The following CNTNAP5 variants were observed in gnomAD, a reference collection of about 807,000 sequenced individuals.
CNTNAP5 encodes contactin-associated protein-like 5.
A neutral mutation model predicts 150.2 loss-of-function variants in CNTNAP5; 72 were observed. The observed-to-expected ratio is 0.48, with a 90% CI of 0.40 to 0.58. CNTNAP5 has a LOEUF of 0.58. Among genes scored for constraint, CNTNAP5 ranks in the 20% least tolerant of loss-of-function variants. The probability of loss-of-function intolerance (pLI) is 0.00; values close to 1 mark genes in which losing one functional copy is unlikely to be tolerated. For synonymous variants in CNTNAP5, 672 were observed against 619.8 expected (o/e 1.08, Z -1.25); for missense variants, 1,636 against 1,626.2 (o/e 1.01, Z -0.10).
At chr2:124,836,037 T>C (rs991796960) in intron 19 of CNTNAP5, among the ~76,000 whole-genome samples, 1 of 152,012 alleles carries the variant, frequency 6.6e-6, no homozygotes, top group Non-Finnish European at 1.5e-5. Context: ...TAGTAGACCA[T>C]GGTAAGAAAC....
At chr2:124,507,789 A>G (rs1017712463) in intron 8 of CNTNAP5, among the ~76,000 whole-genome samples, 14 of 152,228 alleles carry the variant, frequency 9.2e-5, no homozygotes, top group African/African-American at 2.7e-4. Context: ...CAGCCCTCTC[A>G]AAATATGTCA....
chr2:124,857,294 A>T (rs962143070), intron 19 of CNTNAP5, among the ~76,000 whole-genome samples: 4 of 152,132 alleles, frequency 2.6e-5, no homozygotes, highest in African/African-American at 9.7e-5. Flanking sequence ...TGGACTCGGC[A>T]TATAAGGCAA....
At chr2:124,752,113 A>G (rs184545230) in intron 14 of CNTNAP5, among the ~76,000 whole-genome samples, 156 of 152,270 alleles carry the variant, frequency 1.0e-3, no homozygotes, top group African/African-American at 3.5e-3. Context: ...CTCTCCTACA[A>G]TCTCTCAAAT....
At chr2:124,845,545 G>T (rs1485532277) in intron 19 of CNTNAP5, among the ~76,000 whole-genome samples, 3 of 151,530 alleles carry the variant, frequency 2.0e-5, no homozygotes, top group South Asian at 2.1e-4. Context: ...TTTTGGAATA[G>T]TGTCTATAGG....
intron 13 of CNTNAP5, among the ~76,000 whole-genome samples, chr2:124,689,637 A>C (rs529060164): frequency 6.6e-6 from 1 of 152,068 alleles, no homozygotes; most frequent in Admixed American, 6.6e-5. Flanking sequence ...GTATGTTCAG[A>C]TGTGTGAATG....
chr2:124,190,106 A>G (rs1685425140), intron 1 of CNTNAP5, among the ~76,000 whole-genome samples: 1 of 152,116 alleles, frequency 6.6e-6, no homozygotes, highest in Non-Finnish European at 1.5e-5. Context: ...AAAAATTACA[A>G]CCTTCATATG....
At chr2:124,574,065 A>G (rs1383950329) in intron 11 of CNTNAP5, among the ~76,000 whole-genome samples, 2 of 152,156 alleles carry the variant, frequency 1.3e-5, no homozygotes, top group East Asian at 3.9e-4. Flanking sequence ...GTTTTCTACT[A>G]TGGATTTCTA....
intron 7 of CNTNAP5, among the ~76,000 whole-genome samples, chr2:124,502,768 C>G (rs1694306804): frequency 6.6e-6 from 1 of 152,026 alleles, no homozygotes; most frequent in Admixed American, 6.5e-5. Flanking sequence ...ATACCAAGAG[C>G]AAGTTGGTGG....
At chr2:124,689,608 C>A (rs575676655) in intron 13 of CNTNAP5, among the ~76,000 whole-genome samples, 1 of 151,926 alleles carries the variant, frequency 6.6e-6, no homozygotes, top group Non-Finnish European at 1.5e-5. Flanking sequence ...TGCATGTGTG[C>A]ATTTATGTGC....
rs1390396446 is a variant in CNTNAP5, at chr2:124,863,570, T to C, written c.3218-1736T>C. On this transcript the variant is annotated intron_variant, in intron 19 of 23. Coordinates refer to ENST00000682447, the MANE Select transcript of CNTNAP5 (RefSeq NM_001367498.1). ...TCAGAAGTGTTAGGCAATGGCCTCATAGCTCCAAACTACATTTTTCTATTC... is the reference window on the plus strand; with the variant it reads ...TCAGAAGTGTTAGGCAATGGCCTCACAGCTCCAAACTACATTTTTCTATTC... 2.0e-5 allele frequency among the ~76,000 whole-genome samples: 3 copies of C among 152,346 alleles called. No homozygotes were observed. The East Asian group carries it at 5.8e-4, about 29-fold the overall frequency.
chr2:124,854,459 G>T (rs755136393), intron 19 of CNTNAP5, among the ~76,000 whole-genome samples: 2 of 152,060 alleles, frequency 1.3e-5, no homozygotes, highest in African/African-American at 2.4e-5. Flanking sequence ...TACCAGGTTA[G>T]GTGCCTAATA....
chr2:124,028,041 C>T (rs1680946103), intron 1 of CNTNAP5, among the ~76,000 whole-genome samples: 1 of 152,044 alleles, frequency 6.6e-6, no homozygotes, highest in South Asian at 2.1e-4. Flanking sequence ...TATACATATA[C>T]TGAACATTAG....
chr2:124,025,623 A>G lies in CNTNAP5; in HGVS notation c.-28A>G. 2 of 1,611,190 alleles carry G rather than the reference A, an allele frequency of 1.2e-6. No homozygotes were observed. The highest frequency in any genetic ancestry group is 1.7e-6 in the Non-Finnish European group (2 of 1,177,598). ...CTGGCTACTGCGAATTTGGGATTCG[A>G]TTGGGAGGGACCGCTCACTCGGGGG... On this transcript the variant is annotated 5_prime_UTR_variant, in exon 1 of 24. Coordinates refer to ENST00000682447, the MANE Select transcript of CNTNAP5 (RefSeq NM_001367498.1).
At chr2:124,123,794 G>A (rs1296916107) in intron 1 of CNTNAP5, among the ~76,000 whole-genome samples, 2 of 152,154 alleles carry the variant, frequency 1.3e-5, no homozygotes, top group Non-Finnish European at 2.9e-5. Flanking sequence ...GGCAAATAGT[G>A]TCTGGAGTGG....
At chr2:124,716,901 G>A (rs756532709) in intron 13 of CNTNAP5, among the ~76,000 whole-genome samples, 8 of 152,118 alleles carry the variant, frequency 5.3e-5, no homozygotes, top group Admixed American at 1.3e-4. Flanking sequence ...CATCGGGCTG[G>A]TCTGGCAAAA....
chr2:124,684,264 G>A (rs1679144305), intron 13 of CNTNAP5, among the ~76,000 whole-genome samples: 1 of 152,102 alleles, frequency 6.6e-6, no homozygotes, highest in South Asian at 2.1e-4. Context: ...GTCAATATCT[G>A]AATATACACT....
chr2:124,266,977 T>C (rs1011206565), intron 3 of CNTNAP5, among the ~76,000 whole-genome samples: 7 of 147,100 alleles, frequency 4.8e-5, no homozygotes, highest in African/African-American at 1.7e-4. Context: ...GAGATTTTTT[T>C]TTTTTTTACA....
intron 21 of CNTNAP5, among the ~76,000 whole-genome samples, chr2:124,876,102 A>G (rs1677855974): frequency 6.6e-6 from 1 of 152,102 alleles, no homozygotes; most frequent in Non-Finnish European, 1.5e-5. Flanking sequence ...TGAAATCATC[A>G]ACTCCAGGTT....
chr2:124,534,759 G>A (rs1029105447), intron 10 of CNTNAP5, among the ~76,000 whole-genome samples: 14 of 152,242 alleles, frequency 9.2e-5, no homozygotes, highest in African/African-American at 2.6e-4. Context: ...GATGAGCAGA[G>A]ATCACTTTCA....
Sources: gnomAD v4.1 joint callset for allele counts (sites outside exome capture counted in the v4.1 genomes callset) on GRCh38, gnomAD v4.1.1 for gene constraint, MANE v1.5 for transcripts, NCBI Gene and HGNC (gene_info 2026-07-23, HGNC 2026-07-21) for gene names.